The following FSTL5 variants were observed in gnomAD, a reference collection of about 807,000 sequenced individuals.
FSTL5 encodes follistatin like 5.
FSTL5 carries 62 observed loss-of-function variants against 89.1 expected under a neutral mutation model. That is an observed-to-expected ratio of 0.70 (90% CI 0.57 to 0.86). The LOEUF (loss-of-function observed/expected upper bound fraction) is 0.86. Among genes scored for constraint, FSTL5 ranks in the 40% least tolerant of loss-of-function variants. The pLI is 0.00. For synonymous variants in FSTL5, 383 were observed against 346.2 expected, an observed-to-expected ratio of 1.11 and a Z score of -1.18; for missense variants, 1,057 against 1,001.6, an observed-to-expected ratio of 1.06 and a Z score of -0.75.
chr4:161,387,340 A>G (rs1730681572), intron 15 of FSTL5: 2 of 152,052 alleles, frequency 1.3e-5, no homozygotes, highest in Admixed American at 1.3e-4. Flanking sequence ...GTCACCTTCT[A>G]ATAGTTCTAA....
At chr4:161,474,619 C>T (rs1432643748) in intron 13 of FSTL5, among the ~76,000 whole-genome samples, 1 of 148,004 alleles carries the variant, frequency 6.8e-6, no homozygotes, top group Non-Finnish European at 1.5e-5. Context: ...GATCTCGGTT[C>T]ACTGCAACCT....
intron 10 of FSTL5, among the ~76,000 whole-genome samples, chr4:161,521,708 G>C (rs905702545): frequency 1.3e-5 from 2 of 151,676 alleles, no homozygotes; most frequent in African/African-American, 4.8e-5. Context: ...AATTAGCCAG[G>C]CTTGGTGGCA....
intron 2 of FSTL5, among the ~76,000 whole-genome samples, chr4:162,101,578 C>T (rs1449611045): frequency 6.6e-6 from 1 of 152,026 alleles, no homozygotes; most frequent in African/African-American, 2.4e-5. Context: ...TCAGTTTTGC[C>T]ATCTGTATTA....
In FSTL5 at chr4:161,600,158, AACACACACACACACAC is replaced by A. The variant is rs71598717; in HGVS notation, c.895-12599_895-12584del. On this transcript the variant is annotated intron_variant, in intron 7 of 15. Coordinates refer to ENST00000306100, the MANE Select transcript of FSTL5 (RefSeq NM_020116.5). The stretch of plus-strand genomic sequence containing the variant: ...TGAATCCCCAAGCACAATGTCAATA[AACACACACACACACAC>A]ACACACACACACACACACACACACA... 2.5e-4 allele frequency among the ~76,000 whole-genome samples: 36 copies of A among 142,066 alleles called. 1 individual carries two copies. The highest frequency in any genetic ancestry group is 2.2e-4 in the Admixed American group (3 of 13,822). The allele number at this position is 142,066 out of a possible 152,430, so 93.2% of individuals were successfully genotyped here.
intron 3 of FSTL5, among the ~76,000 whole-genome samples, chr4:161,927,677 T>C (rs1405572002): frequency 6.6e-6 from 1 of 151,772 alleles, no homozygotes; most frequent in Non-Finnish European, 1.5e-5. Flanking sequence ...AAATAGTGTA[T>C]TAATTTAAAA....
chr4:161,535,561 C>T (rs1407828267), intron 10 of FSTL5, among the ~76,000 whole-genome samples: 1 of 151,930 alleles, frequency 6.6e-6, no homozygotes, highest in African/African-American at 2.4e-5. Flanking sequence ...GTCAGAATGG[C>T]TATTATTAAA....
At chr4:161,885,388 T>A (rs570950579) in intron 4 of FSTL5, among the ~76,000 whole-genome samples, 141 of 152,260 alleles carry the variant, frequency 9.3e-4, no homozygotes, top group African/African-American at 3.2e-3. Context: ...AATGTGTGTA[T>A]ACAAAGAAGT....
At chr4:161,928,384 T>G (rs568923366) in intron 3 of FSTL5, among the ~76,000 whole-genome samples, 1 of 151,984 alleles carries the variant, frequency 6.6e-6, no homozygotes, top group South Asian at 2.1e-4. Context: ...TATGTACAGG[T>G]TTTTGTGTAA....
At chr4:161,434,000 G>A (rs1162746623) in intron 15 of FSTL5, among the ~76,000 whole-genome samples, 2 of 152,122 alleles carry the variant, frequency 1.3e-5, no homozygotes, top group East Asian at 1.9e-4. Flanking sequence ...CAAATTCAAT[G>A]CAATCACTAT....
Position 162,023,400 on chromosome 4 carries a change from T to A in FSTL5, c.160+10225A>T, listed in dbSNP as rs531264939. Among the ~76,000 whole-genome samples, 27 of 152,308 alleles carry A rather than the reference T, an allele frequency of 1.8e-4. No individual in the cohort carries two copies. The South Asian group carries it at 3.5e-3, about 20-fold the overall frequency. ...GCAAGCTAGATTGCACCGTCTGGTT[T>A]TTATATGTGCCTAAACCACACACAT... On this transcript the variant is annotated intron_variant, in intron 3 of 15. Coordinates refer to ENST00000306100, the MANE Select transcript of FSTL5 (RefSeq NM_020116.5).
At chr4:161,903,402 C>CT (rs957025083) in intron 4 of FSTL5, among the ~76,000 whole-genome samples, 1 of 151,936 alleles carries the variant, frequency 6.6e-6, no homozygotes, top group Non-Finnish European at 1.5e-5. Flanking sequence ...ATAAAAAACA[C>CT]TTTTTTCATT....
intron 15 of FSTL5, among the ~76,000 whole-genome samples, chr4:161,426,298 G>A (rs1034341824): frequency 1.3e-5 from 2 of 152,086 alleles, no homozygotes; most frequent in Admixed American, 1.3e-4. Context: ...ATCTAAACAA[G>A]TGCAAAGATA....
intron 4 of FSTL5, among the ~76,000 whole-genome samples, chr4:161,785,999 T>C (rs1039504282): frequency 6.6e-6 from 1 of 152,106 alleles, no homozygotes; most frequent in African/African-American, 2.4e-5. Context: ...ATATTCCTTT[T>C]ACATTCATTC....
chr4:161,555,050 T>C (rs1300849287), intron 8 of FSTL5, among the ~76,000 whole-genome samples: 1 of 151,640 alleles, frequency 6.6e-6, no homozygotes, highest in Admixed American at 6.6e-5. Context: ...GATCACATTA[T>C]TGCAGTCTTC....
At chr4:162,134,224 A>G (rs905275760) in intron 1 of FSTL5, among the ~76,000 whole-genome samples, 2 of 152,230 alleles carry the variant, frequency 1.3e-5, no homozygotes, top group African/African-American at 2.4e-5. Context: ...ATCATCCTGG[A>G]TATTTTAAGC....
intron 2 of FSTL5, among the ~76,000 whole-genome samples, chr4:162,077,973 T>C (rs1301580500): frequency 6.6e-6 from 1 of 151,868 alleles, no homozygotes; most frequent in Non-Finnish European, 1.5e-5. Flanking sequence ...TGTAATATCT[T>C]TATAAAGGCA....
chr4:161,428,381 T>A (rs1212538731), intron 15 of FSTL5, among the ~76,000 whole-genome samples: 1 of 152,194 alleles, frequency 6.6e-6, no homozygotes, highest in Non-Finnish European at 1.5e-5. Flanking sequence ...AGTGAGACAC[T>A]GGCCTAGGCG....
At chr4:161,669,793 A>G (rs1324304814) in intron 6 of FSTL5, among the ~76,000 whole-genome samples, 1 of 152,150 alleles carries the variant, frequency 6.6e-6, no homozygotes, top group African/African-American at 2.4e-5. Context: ...CTAATTAATA[A>G]CAAGAGGAAA....
Position 161,385,074 on chromosome 4 carries a change from C to T in FSTL5, c.*673G>A, listed in dbSNP as rs964239363. ...TTTCTATAGCATGCTGCAGATTATA[C>T]AGTAAATGTCAAGTGGAGTTTGACA... is the stretch of plus-strand genomic sequence containing the variant. On this transcript the variant is annotated 3_prime_UTR_variant, in exon 16 of 16. Coordinates refer to ENST00000306100, the MANE Select transcript of FSTL5 (RefSeq NM_020116.5). 3 of 152,212 alleles carry T rather than the reference C, an allele frequency of 2.0e-5. No homozygotes were observed. The highest frequency in any genetic ancestry group is 4.8e-5 in the African/African-American group (2 of 41,420). The allele number at this position is 152,212 out of a possible 1,614,324, so 9.4% of individuals were successfully genotyped here.
Sources: gnomAD v4.1 joint callset for allele counts (sites outside exome capture counted in the v4.1 genomes callset) on GRCh38, gnomAD v4.1.1 for gene constraint, MANE v1.5 for transcripts, NCBI Gene and HGNC (gene_info 2026-07-23, HGNC 2026-07-21) for gene names.